The following MIS18A variants were observed in gnomAD, a reference collection of about 807,000 sequenced individuals.
The protein encoded by MIS18A is MIS18 kinetochore protein A.
MIS18A carries 14 observed loss-of-function variants against 25.0 expected under a neutral mutation model. The observed-to-expected ratio is 0.56, with a 90% CI of 0.37 to 0.88. The LOEUF is 0.88. MIS18A is among the 40% of genes least tolerant of loss of function. The pLI, the probability that MIS18A is intolerant of heterozygous loss-of-function variation, is 0.00. For missense variants in MIS18A, 292 were observed against 290.8 expected, an observed-to-expected ratio of 1.00 and a Z score of -0.03; for synonymous variants, 134 against 118.6, an observed-to-expected ratio of 1.13 and a Z score of -0.84.
At chr21:32,192,905 GC>G in the MIS18A span, among the ~76,000 whole-genome samples, 2 of 152,144 alleles carry the variant, frequency 1.3e-5, no homozygotes, top group Non-Finnish European at 2.9e-5. Context: ...ACAGATAACT[GC>G]ATCCCCAGCT....
chr21:32,212,930 T>C, the MIS18A span, among the ~76,000 whole-genome samples: 2 of 152,218 alleles, frequency 1.3e-5, no homozygotes, highest in Non-Finnish European at 2.9e-5. Flanking sequence ...TTAAACCTCT[T>C]TCCTTTATAA....
At chr21:32,234,518 T>C in the MIS18A span, among the ~76,000 whole-genome samples, 2 of 152,192 alleles carry the variant, frequency 1.3e-5, no homozygotes, top group African/African-American at 4.8e-5. Context: ...AAGGCAATGG[T>C]TGGGCCATGA....
the MIS18A span, among the ~76,000 whole-genome samples, chr21:32,233,005 T>C: frequency 2.0e-5 from 3 of 152,178 alleles, no homozygotes; most frequent in Non-Finnish European, 4.4e-5. Flanking sequence ...AGTGAAATTG[T>C]TTCTATTTGA....
At chr21:32,185,485 C>A in the MIS18A span, among the ~76,000 whole-genome samples, 1 of 152,182 alleles carries the variant, frequency 6.6e-6, no homozygotes, top group Non-Finnish European at 1.5e-5. Flanking sequence ...CAGGAGCCCC[C>A]TTCCCTGTCA....
At chr21:32,252,319 AGAAG>A in the MIS18A span, among the ~76,000 whole-genome samples, 4 of 149,454 alleles carry the variant, frequency 2.7e-5, no homozygotes, top group Admixed American at 6.7e-5. Context: ...GAGTAAGGAA[AGAAG>A]GAAGGAAGGA....
downstream of MIS18A, among the ~76,000 whole-genome samples, chr21:32,264,011 T>C (rs2031552753): frequency 6.6e-6 from 1 of 152,158 alleles, no homozygotes. Flanking sequence ...TTTATTTGGT[T>C]AGTAAACTCA....
chr21:32,258,188 C>G, the MIS18A span, among the ~76,000 whole-genome samples: 3 of 152,050 alleles, frequency 2.0e-5, no homozygotes, highest in African/African-American at 7.2e-5. Context: ...AGTAACAAAT[C>G]TGAGTCATGA....
chr21:32,174,335 A>T, the MIS18A span, among the ~76,000 whole-genome samples: 165 of 152,282 alleles, frequency 1.1e-3, no homozygotes, highest in African/African-American at 3.8e-3. Flanking sequence ...TGTATAGAAG[A>T]AAGTTGAAAG....
chr21:32,278,497 A>G, intron 1 of MIS18A, 184 bp downstream of exon 1: 1 of 621,530 alleles, frequency 1.6e-6, no homozygotes, highest in Non-Finnish European at 2.7e-6. Flanking sequence ...CCACCGCCCG[A>G]GAGCCAAAGT....
At chr21:32,243,992 C>G in the MIS18A span, among the ~76,000 whole-genome samples, 2 of 152,086 alleles carry the variant, frequency 1.3e-5, no homozygotes, top group Middle Eastern at 3.4e-3. Context: ...AGTCATAACA[C>G]TATAAAACTG....
At chr21:32,264,531 C>T (rs1286100445), downstream of MIS18A, among the ~76,000 whole-genome samples, 1 of 152,088 alleles carries the variant, frequency 6.6e-6, no homozygotes, top group African/African-American at 2.4e-5. Flanking sequence ...TCATCCTTGA[C>T]GCAGGGAAGA....
chr21:32,274,179 T>G (rs553384029), intron 2 of MIS18A, among the ~76,000 whole-genome samples: 1 of 151,138 alleles, frequency 6.6e-6, no homozygotes, highest in African/African-American at 2.4e-5. Flanking sequence ...TTTTATAATA[T>G]AGGTATTTCC....
At chr21:32,209,754 T>G in the MIS18A span, among the ~76,000 whole-genome samples, 1 of 152,140 alleles carries the variant, frequency 6.6e-6, no homozygotes, top group Non-Finnish European at 1.5e-5. Flanking sequence ...TCTCATGAGA[T>G]CCGATGGTTT....
chr21:32,188,196 T>C, the MIS18A span, among the ~76,000 whole-genome samples: 3 of 152,258 alleles, frequency 2.0e-5, no homozygotes, highest in East Asian at 5.8e-4. Flanking sequence ...TCTGTGGTAT[T>C]CTGCATTGGC....
At chr21:32,248,878 A>G in the MIS18A span, among the ~76,000 whole-genome samples, 1 of 152,196 alleles carries the variant, frequency 6.6e-6, no homozygotes, top group Non-Finnish European at 1.5e-5. Flanking sequence ...ACCCTTTGTT[A>G]GGAACAGTAA....
the MIS18A span, among the ~76,000 whole-genome samples, chr21:32,227,971 A>G: frequency 2.6e-5 from 4 of 152,252 alleles, no homozygotes; most frequent in Non-Finnish European, 1.5e-5. Flanking sequence ...CGTGGAAAGC[A>G]TTTGATAAAA....
At chr21:32,269,560 T>C (rs1402351287) in intron 4 of MIS18A, 147 bp downstream of exon 4, 18 of 558,342 alleles carry the variant, frequency 3.2e-5, no homozygotes, top group Non-Finnish European at 5.4e-5. Context: ...TCCCCAAAAA[T>C]CAACTTTACT....
intron 1 of MIS18A, among the ~76,000 whole-genome samples, chr21:32,276,001 C>A (rs990519714): frequency 1.3e-5 from 2 of 152,138 alleles, no homozygotes; most frequent in African/African-American, 2.4e-5. Context: ...AACGTACTCA[C>A]TAGAACAGAT....
At chr21:32,275,018 C>A (rs1380147395) in intron 1 of MIS18A, 122 bp from the exon 2 acceptor site, 10 of 749,618 alleles carry the variant, frequency 1.3e-5, no homozygotes, top group Non-Finnish European at 2.0e-5. Context: ...CAAAGTCAAA[C>A]ACACAAAAGA....
Sources: gnomAD v4.1 joint callset for allele counts (sites outside exome capture counted in the v4.1 genomes callset) on GRCh38, gnomAD v4.1.1 for gene constraint, MANE v1.5 for transcripts, NCBI Gene and HGNC (gene_info 2026-07-23, HGNC 2026-07-21) for gene names.